The following AZIN1 variants were observed in gnomAD, a reference collection of about 807,000 sequenced individuals.
AZIN1 encodes the protein ornithine decarboxylase antizyme inhibitor.
Under a neutral mutation model 47.4 loss-of-function variants are expected in AZIN1, and 12 were observed. The ratio of observed to expected loss-of-function variants is 0.25; its 90% CI spans 0.16 to 0.41. AZIN1 has a LOEUF of 0.41. Among genes scored for constraint, AZIN1 ranks in the 10% least tolerant of loss-of-function variants. The probability of loss-of-function intolerance (pLI) is 1.00; values close to 1 mark genes in which losing one functional copy is unlikely to be tolerated. For synonymous variants in AZIN1, 155 were observed against 176.3 expected, an observed-to-expected ratio of 0.88 and a Z score of 0.96; for missense variants, 410 against 532.4, an observed-to-expected ratio of 0.77 and a Z score of 2.26.
At chr8:102,841,426 T>C (rs1812171874) in intron 3 of AZIN1, among the ~76,000 whole-genome samples, 2 of 152,184 alleles carry the variant, frequency 1.3e-5, no homozygotes, top group Admixed American at 6.5e-5. Context: ...AGATTATATC[T>C]GACCCCCGAA....
Position 102,843,584 on chromosome 8 carries a change from A to G in AZIN1, c.69T>C (p.Asn23=). ...GTTCATAAACATAGTTATCAATAAC[A>G]TTTCCAAGGTTTGTTCCTTCATCCA... is the stretch of plus-strand genomic sequence containing the variant. The part of the protein sequence containing the change: ...GLLDEGTNLG[N]VIDNYVYEHT... Residue 23 remains asparagine (N), a synonymous_variant, in exon 3 of 12, where the codon AAT becomes AAC. Transcript: ENST00000337198. 1 of 1,614,094 alleles carries G rather than the reference A, an allele frequency of 6.2e-7. No individual in the cohort carries two copies. Among genetic ancestry groups the G allele is most frequent in the Non-Finnish European group, 8.5e-7 (1 of 1,179,946 alleles).
intron 1 of AZIN1, among the ~76,000 whole-genome samples, 148 bp downstream of exon 1, chr8:102,863,631 CGCCGCCGCCGCCGCCGGGGGCACAGACA>C (rs1367085469): frequency 6.1e-5 from 9 of 148,544 alleles, no homozygotes; most frequent in East Asian, 2.0e-4. Context: ...CCAGCCCCGC[CGCCGCCGCCGCCGCCGGGGGCACAGACA>C]GCCGCCGCCG....
At chr8:102,862,612 T>C (rs374050153) in intron 1 of AZIN1, among the ~76,000 whole-genome samples, 44 of 152,214 alleles carry the variant, frequency 2.9e-4, no homozygotes, top group African/African-American at 9.6e-4. Context: ...CCTTGCTGTA[T>C]TTGATGTGCT....
At chr8:102,863,180 C>A (rs1011331827) in intron 1 of AZIN1, among the ~76,000 whole-genome samples, 5 of 152,128 alleles carry the variant, frequency 3.3e-5, no homozygotes, top group African/African-American at 1.2e-4. Context: ...CGCCAGGCCC[C>A]AAGTGGCGTC....
chr8:102,836,239 T>C lies in AZIN1; in HGVS notation c.584+17A>G. 7 of 1,610,344 alleles carry C rather than the reference T, an allele frequency of 4.3e-6. No homozygotes were observed. Among genetic ancestry groups the C allele is most frequent in the Middle Eastern group, 3.3e-4 (2 of 6,038 alleles). Reference sequence around the variant, plus strand: ...ATAAAATGTTCACAGCTTTAAAAGTTTAAAACAAATACTCACTTAACCCCA... The same window carrying C: ...ATAAAATGTTCACAGCTTTAAAAGTCTAAAACAAATACTCACTTAACCCCA... On this transcript the variant is annotated intron_variant, in intron 6 of 11. Transcript: ENST00000337198.
At chr8:102,851,530 AC>A (rs1812918438) in intron 2 of AZIN1, among the ~76,000 whole-genome samples, 1 of 152,060 alleles carries the variant, frequency 6.6e-6, no homozygotes. Context: ...AGATGGTGAA[AC>A]CCTGTCTCTA....
At position 102,829,936 on chromosome 8, in the gene AZIN1, A is replaced by C; in HGVS notation, c.905T>G (p.Val302Gly). 1 of 1,580,524 alleles carries C rather than the reference A, an allele frequency of 6.3e-7. No homozygotes were observed. The highest frequency in any genetic ancestry group is 8.7e-7 in the Non-Finnish European group (1 of 1,155,786). The change falls in exon 10 of 12, where the codon GTA becomes GGA. Residue 302 changes from valine (V) to glycine (G), a missense_variant and splice_region_variant. This residue lies in a region of AZIN1 where 168 missense variants were observed against 198.3 expected (regional missense o/e 0.85). Transcript: ENST00000337198. Reference protein sequence around the residue: ...VVENDKFPSGVEKTGSDEPAF... With the variant: ...VVENDKFPSGGEKTGSDEPAF... ...TGGTTCATCACTTCCGGTTTTTTCT[A>C]CTGGAATAAAACAGGAAAGGGGAAA...
chr8:102,847,545 T>C (rs1055779660), intron 2 of AZIN1, among the ~76,000 whole-genome samples: 12 of 151,414 alleles, frequency 7.9e-5, no homozygotes, highest in South Asian at 4.2e-4. Context: ...TGGAAGTGTA[T>C]TGAAAAAGTA....
rs1253814517 is a variant in AZIN1, at chr8:102,826,690, C to G, written c.*1877G>C. On this transcript the variant is annotated 3_prime_UTR_variant, in exon 12 of 12. Coordinates refer to ENST00000337198, the MANE Select transcript of AZIN1 (RefSeq NM_148174.4). ...TGCAGATATGGCAAAGTTGATATGC[C>G]ATGAAGTTCAAGGCCTGTATAGTCA... 1 of 152,554 alleles carries G rather than the reference C, an allele frequency of 6.6e-6. No individual in the cohort carries two copies. Among genetic ancestry groups the G allele is most frequent in the East Asian group, 1.9e-4 (1 of 5,200 alleles). 9.5% of individuals were successfully genotyped at this position (152,554 alleles called of 1,614,324 possible). A position where few individuals can be genotyped will look rare whatever the true frequency, so the allele number is the denominator to read the frequency against.
At chr8:102,840,440 C>A (rs1215079351) in intron 3 of AZIN1, among the ~76,000 whole-genome samples, 1 of 152,152 alleles carries the variant, frequency 6.6e-6, no homozygotes, top group Non-Finnish European at 1.5e-5. Context: ...ACTCCTGGAG[C>A]TCAAGCTATC....
chr8:102,862,625 G>T (rs1813756429), intron 1 of AZIN1, among the ~76,000 whole-genome samples: 2 of 152,164 alleles, frequency 1.3e-5, no homozygotes, highest in East Asian at 3.8e-4. Flanking sequence ...GATGTGCTTT[G>T]ATGTACTTCT....
intron 3 of AZIN1, among the ~76,000 whole-genome samples, chr8:102,842,025 C>T (rs1476302407): frequency 4.6e-5 from 7 of 151,792 alleles, no homozygotes; most frequent in African/African-American, 9.7e-5. Context: ...GCAGGAGAAT[C>T]GCTTGAACCA....
Position 102,834,708 on chromosome 8 carries a change from A to G in AZIN1, c.624T>C (p.Tyr208=). The stretch of plus-strand genomic sequence containing the variant: ...ATCGAGCATCAGATAGAGCATGTAC[A>G]TATACTTGAGATTCTTTGCAAGCAC... ...VSSACKESQV[Y]VHALSDARCV... The change falls in exon 7 of 12, where the codon TAT becomes TAC. Residue 208 remains tyrosine, a synonymous_variant. Transcript: ENST00000337198. 1.2e-6 allele frequency: 2 copies of G among 1,612,458 alleles called. No homozygotes were observed. Among genetic ancestry groups the G allele is most frequent in the Non-Finnish European group, 1.7e-6 (2 of 1,179,090 alleles).
intron 1 of AZIN1, among the ~76,000 whole-genome samples, chr8:102,862,009 C>T (rs1341532410): frequency 6.6e-6 from 1 of 151,620 alleles, no homozygotes; most frequent in Non-Finnish European, 1.5e-5. Context: ...GCACTCCAGC[C>T]TGGGCGACAG....
At chr8:102,856,410 G>C (rs1265208993) in intron 2 of AZIN1, among the ~76,000 whole-genome samples, 1 of 152,140 alleles carries the variant, frequency 6.6e-6, no homozygotes, top group Non-Finnish European at 1.5e-5. Flanking sequence ...CCCACAAAGA[G>C]GGAGACACTA....
intron 1 of AZIN1, chr8:102,859,026 TAA>T (rs1277489739): frequency 1.3e-5 from 2 of 152,184 alleles, no homozygotes; most frequent in Non-Finnish European, 2.9e-5. Flanking sequence ...CCAGAAATTA[TAA>T]AGTCAAGAGT....
chr8:102,850,913 A>C (rs1408996369), intron 2 of AZIN1, among the ~76,000 whole-genome samples: 1 of 152,232 alleles, frequency 6.6e-6, no homozygotes, highest in Non-Finnish European at 1.5e-5. Context: ...CTAAGTTTGA[A>C]GTGCCTGTGT....
chr8:102,833,891 T>TAAA (rs74551220), intron 8 of AZIN1, among the ~76,000 whole-genome samples: 2 of 126,548 alleles, frequency 1.6e-5, no homozygotes, highest in African/African-American at 2.9e-5. Context: ...AGGAAGACTT[T>TAAA]AAAAAAAAAA....
In AZIN1 at chr8:102,830,980, C is replaced by T. The variant is rs145063952; in HGVS notation, c.905-1044G>A. On this transcript the variant is annotated intron_variant, in intron 9 of 11. Coordinates refer to ENST00000337198, the MANE Select transcript of AZIN1 (RefSeq NM_148174.4). ...CACCTCACTTTGAAACCTTTGAAAA[C>T]GCCCATTCTACTCACAGCTACTCTA... Among the ~76,000 whole-genome samples, 29 of 152,272 alleles carry T rather than the reference C, an allele frequency of 1.9e-4. No individual in the cohort carries two copies. The East Asian group carries it at 3.3e-3, about 17-fold the overall frequency.
Sources: allele counts gnomAD v4.1 joint callset (sites outside exome capture counted in the v4.1 genomes callset), GRCh38; gene constraint gnomAD v4.1.1; regional missense constraint gnomAD v4.1.1; transcripts MANE v1.5; gene names NCBI Gene and HGNC (gene_info 2026-07-23, HGNC 2026-07-21).